The following ATP9B variants were observed in gnomAD, a reference collection of about 807,000 sequenced individuals.
ATP9B encodes the protein probable phospholipid-transporting ATPase IIB.
A neutral mutation model predicts 146.1 loss-of-function variants in ATP9B; 110 were observed. The observed-to-expected ratio is 0.75, with a 90% CI of 0.65 to 0.88. The LOEUF (loss-of-function observed/expected upper bound fraction) is 0.88. Among genes scored for constraint, ATP9B ranks in the 40% least tolerant of loss-of-function variants. The pLI is 0.00. For missense variants in ATP9B, 1,499 were observed against 1,496.4 expected (o/e 1.00, Z -0.03); for synonymous variants, 604 against 569.7 (o/e 1.06, Z -0.86).
chr18:79,322,886 G>A (rs1256652375), intron 15 of ATP9B, among the ~76,000 whole-genome samples: 4 of 152,202 alleles, frequency 2.6e-5, no homozygotes, highest in African/African-American at 7.2e-5. Flanking sequence ...GAGTCAGACC[G>A]TCCTGAAATA....
intron 11 of ATP9B, among the ~76,000 whole-genome samples, chr18:79,251,327 C>T (rs1309382528): frequency 2.0e-5 from 3 of 152,166 alleles, no homozygotes; most frequent in Admixed American, 2.0e-4. Context: ...TTGTGAAAGG[C>T]CATGAAGTAT....
intron 1 of ATP9B, among the ~76,000 whole-genome samples, chr18:79,096,117 C>G (rs1321648365): frequency 6.6e-6 from 1 of 152,136 alleles, no homozygotes; most frequent in Non-Finnish European, 1.5e-5. Context: ...AGTGAACATT[C>G]TTTGCTATAG....
rs934049534 is a variant in ATP9B at position 79,096,718 on chromosome 18, C to A, written c.293+69C>A. 8 of 1,170,630 alleles carry A rather than the reference C, an allele frequency of 6.8e-6. No homozygotes were observed. The African/African-American group carries it at 1.1e-4, about 17-fold the overall frequency. The allele number at this position is 1,170,630 out of a possible 1,614,324, so 72.5% of individuals were successfully genotyped here. ...ACTTATAAGGTTAGCTTCTAATATA[C>A]TTATTAGCTATATTAATATAAAAAC... On this transcript the variant is annotated intron_variant, in intron 2 of 29. Coordinates refer to ENST00000426216, the MANE Select transcript of ATP9B (RefSeq NM_198531.5).
intron 10 of ATP9B, among the ~76,000 whole-genome samples, chr18:79,207,819 C>T (rs1463602305): frequency 6.6e-6 from 1 of 152,024 alleles, no homozygotes; most frequent in Non-Finnish European, 1.5e-5. Context: ...CAGTCTGGGG[C>T]AAGGCGGTTC....
At chr18:79,130,016 A>G (rs912255917) in intron 5 of ATP9B, among the ~76,000 whole-genome samples, 2 of 152,224 alleles carry the variant, frequency 1.3e-5, no homozygotes, top group Non-Finnish European at 2.9e-5. Context: ...TGCTGGGATT[A>G]CAGGTGTGAG....
chr18:79,169,091 T>C (rs926014884), intron 7 of ATP9B, among the ~76,000 whole-genome samples: 6 of 152,080 alleles, frequency 3.9e-5, no homozygotes, highest in Admixed American at 1.3e-4. Context: ...TACAGGCTGT[T>C]GTTGGTCATC....
In ATP9B at chr18:79,173,488, A is replaced by T. The variant is rs201977011; in HGVS notation, c.779-3325A>T. ...TGAGATCTGTGGTCTGTTGTGAGTTAATTACTGTATAAGATGTAAGGTTCA... is the reference window on the plus strand; with the variant it reads ...TGAGATCTGTGGTCTGTTGTGAGTTTATTACTGTATAAGATGTAAGGTTCA... On this transcript the variant is annotated intron_variant, in intron 7 of 29. Coordinates refer to ENST00000426216, the MANE Select transcript of ATP9B (RefSeq NM_198531.5). 4.3e-4 allele frequency among the ~76,000 whole-genome samples: 65 copies of T among 150,924 alleles called. 1 individual carries two copies. In the East Asian group the frequency reaches 0.012, roughly 29 times the overall value.
chr18:79,224,076 A>G (rs1394630005), intron 11 of ATP9B, among the ~76,000 whole-genome samples: 1 of 152,254 alleles, frequency 6.6e-6, no homozygotes. Context: ...TGCATATTAA[A>G]TAAGAACTAT....
At chr18:79,240,948 A>G (rs2095882045) in intron 11 of ATP9B, among the ~76,000 whole-genome samples, 1 of 152,144 alleles carries the variant, frequency 6.6e-6, no homozygotes, top group African/African-American at 2.4e-5. Context: ...CCAAACACCT[A>G]ACCTCCTTAG....
chr18:79,079,666 C>T (rs1445918735), intron 1 of ATP9B, among the ~76,000 whole-genome samples: 1 of 152,166 alleles, frequency 6.6e-6, no homozygotes, highest in Non-Finnish European at 1.5e-5. Flanking sequence ...TCCCATTTGT[C>T]AATTTTGGCT....
At chr18:79,152,269 A>G (rs1002593324) in intron 6 of ATP9B, among the ~76,000 whole-genome samples, 1 of 152,192 alleles carries the variant, frequency 6.6e-6, no homozygotes, top group African/African-American at 2.4e-5. Flanking sequence ...TATTTCTATG[A>G]AGTCTAATAA....
chr18:79,080,870 T>G lies in ATP9B; in HGVS notation c.119+11341T>G, dbSNP rs559764581. Among the ~76,000 whole-genome samples, 4 of 152,352 alleles carry G rather than the reference T, an allele frequency of 2.6e-5. No individual in the cohort carries two copies. The East Asian group carries it at 7.7e-4, about 29-fold the overall frequency. On this transcript the variant is annotated intron_variant, in intron 1 of 29. Coordinates refer to ENST00000426216, the MANE Select transcript of ATP9B (RefSeq NM_198531.5). ...TATCAAAGGCCTTTTCTGCATCTAT[T>G]GAGATAATCGTGGTTTTTGTCATTG...
chr18:79,157,411 A>C lies in ATP9B; in HGVS notation c.778+2856A>C, dbSNP rs889186725. Among the ~76,000 whole-genome samples the C allele has an allele frequency of 7.4e-5, 11 of 149,272 alleles. 1 individual carries two copies. The East Asian group carries it at 9.9e-4, about 13-fold the overall frequency. On this transcript the variant is annotated intron_variant, in intron 7 of 29. Transcript: ENST00000426216. ...AACTCCATCTCAAAAAAAAAAAAAA[A>C]AAAAAAAAAAAAACATGTATTGACT...
chr18:79,194,833 C>T (rs1445840838), intron 9 of ATP9B, among the ~76,000 whole-genome samples: 2 of 152,116 alleles, frequency 1.3e-5, no homozygotes, highest in Non-Finnish European at 2.9e-5. Context: ...CAGGATGGTG[C>T]AGCAGAAGGA....
intron 9 of ATP9B, among the ~76,000 whole-genome samples, chr18:79,202,327 C>T (rs1482530996): frequency 5.9e-5 from 9 of 152,164 alleles, no homozygotes; most frequent in Non-Finnish European, 2.9e-5. Context: ...AAATTGTAGC[C>T]AGTTTTGAAG....
rs573183380 is a variant in ATP9B at position 79,377,267 on chromosome 18, G to A, written c.3328G>A (p.Val1110Met). 1.7e-5 allele frequency: 27 copies of A among 1,612,270 alleles called. No individual in the cohort carries two copies. The highest frequency in any genetic ancestry group is 8.9e-5 in the East Asian group (4 of 44,850). Residue 1110 changes from valine (V) to methionine (M), a missense_variant, in exon 30 of 30, where the codon GTG (valine) becomes ATG (methionine). Transcript: ENST00000426216. The stretch of plus-strand genomic sequence containing the variant: ...AACAGATGTTGCCTTTATCACCACC[G>A]TGACCTTCCTGTGGAAAGTGTCGGC... The part of the protein sequence containing the change: ...AFLDVAFITT[V>M]TFLWKVSAIT...
chr18:79,256,257 C>CCATATATATATATATATATATATA lies in ATP9B; in HGVS notation c.1268+2716_1268+2717insCATATATATATATATATATATATA, dbSNP rs1262664506. Among the ~76,000 whole-genome samples, 160 of 100,346 alleles carry CCATATATATATATATATATATATA rather than the reference C, an allele frequency of 1.6e-3. 6 individuals carry two copies. The highest frequency in any genetic ancestry group is 3.2e-3 in the Admixed American group (32 of 9,882). The allele number at this position is 100,346 out of a possible 152,430, so 65.8% of individuals were successfully genotyped here. ...ATGCCATTTTGTGAATTCTAGCTAG[C>CCATATATATATATATATATATATA]TATATATATATATATATATATATAT... On this transcript the variant is annotated intron_variant, in intron 12 of 29. Transcript: ENST00000426216.
rs138838546 is a variant in ATP9B at position 79,133,485 on chromosome 18, A to G, written c.667+7110A>G. Among the ~76,000 whole-genome samples the G allele has an allele frequency of 4.9e-3, 734 of 151,274 alleles. 3 individuals carry two copies. Among genetic ancestry groups the G allele is most frequent in the South Asian group, 0.025 (119 of 4,806 alleles). On this transcript the variant is annotated intron_variant, in intron 5 of 29. Coordinates refer to ENST00000426216, the MANE Select transcript of ATP9B (RefSeq NM_198531.5). ...AAGGTAGATATACTCAGATGTGGCC[A>G]TATAGACTCAGGAGTGGTTATAAAC...
At chr18:79,318,175 T>A (rs537046169) in intron 15 of ATP9B, among the ~76,000 whole-genome samples, 2 of 152,332 alleles carry the variant, frequency 1.3e-5, no homozygotes, top group Admixed American at 6.5e-5. Context: ...AACCCGCAGG[T>A]TGGGGAGCAT....
Sources: allele counts gnomAD v4.1 joint callset (sites outside exome capture counted in the v4.1 genomes callset), GRCh38; gene constraint gnomAD v4.1.1; transcripts MANE v1.5; gene names NCBI Gene and HGNC (gene_info 2026-07-23, HGNC 2026-07-21).